The following RPGRIP1L variants were observed in gnomAD, a reference collection of about 807,000 sequenced individuals.
RPGRIP1L encodes the protein RPGRIP1 like, also known as protein fantom.
Under a neutral mutation model 160.4 loss-of-function variants are expected in RPGRIP1L, and 131 were observed. The observed-to-expected ratio is 0.82, with a 90% confidence interval of 0.71 to 0.94. The LOEUF (loss-of-function observed/expected upper bound fraction) is 0.94. Among genes scored for constraint, RPGRIP1L ranks in the 40% least tolerant of loss-of-function variants. RPGRIP1L has a pLI of 0.00. For synonymous variants in RPGRIP1L, 510 were observed against 515.8 expected (o/e 0.99, Z 0.15); for missense variants, 1,522 against 1,535.8 (o/e 0.99, Z 0.15).
chr16:53,605,392 C>T (rs1963613505), intron 26 of RPGRIP1L, 89 bp downstream of exon 26: 2 of 1,486,390 alleles, frequency 1.3e-6, no homozygotes. Flanking sequence ...ACTCAGCACC[C>T]TTGGAGCCAG....
intron 10 of RPGRIP1L, chr16:53,659,223 G>C (rs1438885931): frequency 5.2e-6 from 5 of 965,156 alleles, no homozygotes; most frequent in Non-Finnish European, 6.2e-6. Context: ...ACTTATTAAG[G>C]CTCCTGAAAA....
chr16:53,701,575 C>T (rs973197708), intron 1 of RPGRIP1L: 1 of 151,084 alleles, frequency 6.6e-6, no homozygotes, highest in East Asian at 1.9e-4. Context: ...ACCTAGTAAG[C>T]TACATGCAAA....
intron 24 of RPGRIP1L, among the ~76,000 whole-genome samples, chr16:53,613,727 A>G (rs902090253): frequency 3.3e-5 from 5 of 152,168 alleles, no homozygotes; most frequent in African/African-American, 9.7e-5. Flanking sequence ...CCAACATGCT[A>G]TATTTCCTAT....
At chr16:53,637,654 C>T (rs960755569) in intron 21 of RPGRIP1L, 41 bp downstream of exon 21, 13 of 1,575,456 alleles carry the variant, frequency 8.3e-6, no homozygotes, top group Non-Finnish European at 1.1e-5. Flanking sequence ...AAACAAAGCA[C>T]AGGGTTAACT....
rs1231630110 is a variant in RPGRIP1L at position 53,599,698 on chromosome 16, AC to A, written c.*2377del. 6.6e-6 allele frequency: 1 copy of A among 152,216 alleles called. No homozygotes were observed. Among genetic ancestry groups the A allele is most frequent in the Non-Finnish European group, 1.5e-5 (1 of 68,022 alleles). The allele number at this position is 152,216 out of a possible 1,614,324, so 9.4% of individuals were successfully genotyped here. Reference sequence around the variant, plus strand: ...CAGTTTGGCTCACCAAGAGAAATCCACTGCTCTTTAACCCAAAAGGTGGTAA... The same window carrying A: ...CAGTTTGGCTCACCAAGAGAAATCCATGCTCTTTAACCCAAAAGGTGGTAA... On this transcript the variant is annotated 3_prime_UTR_variant, in exon 27 of 27. Coordinates refer to ENST00000647211, the MANE Select transcript of RPGRIP1L (RefSeq NM_015272.5).
At chr16:53,664,228 G>A (rs1968050747) in intron 10 of RPGRIP1L, among the ~76,000 whole-genome samples, 1 of 152,132 alleles carries the variant, frequency 6.6e-6, no homozygotes, top group South Asian at 2.1e-4. Flanking sequence ...ACTTCTATGA[G>A]ATCTGTTACT....
chr16:53,640,532 A>G (rs1966140783), intron 19 of RPGRIP1L, among the ~76,000 whole-genome samples: 2 of 152,182 alleles, frequency 1.3e-5, no homozygotes, highest in Admixed American at 6.5e-5. Flanking sequence ...GAAGTATAAC[A>G]GTAAAGTTGG....
chr16:53,670,393 G>A (rs1260270509), intron 9 of RPGRIP1L, among the ~76,000 whole-genome samples: 1 of 152,098 alleles, frequency 6.6e-6, no homozygotes, highest in Non-Finnish European at 1.5e-5. Flanking sequence ...TATAACATAT[G>A]TATTTAAGTA....
At chr16:53,616,110 A>T (rs1234743938) in intron 24 of RPGRIP1L, among the ~76,000 whole-genome samples, 1 of 152,194 alleles carries the variant, frequency 6.6e-6, no homozygotes, top group Non-Finnish European at 1.5e-5. Flanking sequence ...TCTCTACTGC[A>T]TGCTGTTCAA....
At chr16:53,653,136 T>C in intron 14 of RPGRIP1L, 149 bp from the exon 15 acceptor site, 2 of 873,318 alleles carry the variant, frequency 2.3e-6, no homozygotes, top group Non-Finnish European at 3.4e-6. Flanking sequence ...AATAATACTT[T>C]ATCGTACAAA....
chr16:53,653,714 T>C (rs1967000341), intron 14 of RPGRIP1L, among the ~76,000 whole-genome samples: 1 of 152,224 alleles, frequency 6.6e-6, no homozygotes, highest in Non-Finnish European at 1.5e-5. Flanking sequence ...TCTTTTGGGA[T>C]TTCTCTTCGT....
intron 26 of RPGRIP1L, among the ~76,000 whole-genome samples, chr16:53,603,283 A>G (rs1347442892): frequency 1.3e-5 from 2 of 152,210 alleles, no homozygotes; most frequent in Non-Finnish European, 2.9e-5. Flanking sequence ...AGAAACCTGG[A>G]TTTTTGTAAG....
At chr16:53,606,379 T>C (rs953408223) in intron 25 of RPGRIP1L, among the ~76,000 whole-genome samples, 8 of 152,210 alleles carry the variant, frequency 5.3e-5, no homozygotes, top group African/African-American at 1.7e-4. Flanking sequence ...TAGATGCTTG[T>C]AAACTTTACC....
At chr16:53,699,424 A>G (rs987851105) in intron 2 of RPGRIP1L, among the ~76,000 whole-genome samples, 1 of 150,178 alleles carries the variant, frequency 6.7e-6, no homozygotes, top group African/African-American at 2.5e-5. Context: ...GGTATTTTCC[A>G]TATCATTGTG....
intron 22 of RPGRIP1L, among the ~76,000 whole-genome samples, chr16:53,628,104 T>C (rs1965294990): frequency 6.6e-6 from 1 of 151,454 alleles, no homozygotes; most frequent in East Asian, 1.9e-4. Context: ...AAATTGGTAT[T>C]ATTTATAAAA....
At chr16:53,669,620 T>C (rs992475777) in intron 9 of RPGRIP1L, among the ~76,000 whole-genome samples, 1 of 152,128 alleles carries the variant, frequency 6.6e-6, no homozygotes, top group Non-Finnish European at 1.5e-5. Flanking sequence ...TCCAAGTAAG[T>C]ATGTTCAGCA....
At chr16:53,613,958 G>A (rs189796606) in intron 24 of RPGRIP1L, among the ~76,000 whole-genome samples, 10 of 152,284 alleles carry the variant, frequency 6.6e-5, no homozygotes, top group African/African-American at 2.4e-4. Flanking sequence ...AGCCTCAAGA[G>A]TCTGCTCTCT....
intron 6 of RPGRIP1L, among the ~76,000 whole-genome samples, chr16:53,681,090 T>C (rs1056746514): frequency 2.0e-5 from 3 of 152,210 alleles, no homozygotes; most frequent in Non-Finnish European, 4.4e-5. Context: ...AGTAATCTTG[T>C]ATCTGTGCAG....
At chr16:53,659,488 A>G (rs953821906) in intron 10 of RPGRIP1L, 9 of 152,470 alleles carry the variant, frequency 5.9e-5, no homozygotes, top group African/African-American at 2.2e-4. Flanking sequence ...AAAAATTAAA[A>G]AGTAAGGAAA....
Sources: gnomAD v4.1 joint callset for allele counts (sites outside exome capture counted in the v4.1 genomes callset) on GRCh38, gnomAD v4.1.1 for gene constraint, MANE v1.5 for transcripts, NCBI Gene and HGNC (gene_info 2026-07-23, HGNC 2026-07-21) for gene names.